ZNF705D: variants seen among roughly 807,000 people sequenced by gnomAD.
ZNF705D encodes zinc finger protein 705D, also known as putative zinc finger protein 705C.
For missense variants in ZNF705D, 6 were observed against 129.4 expected (o/e 0.05, Z 4.63); for synonymous variants, 1 against 43.8 (o/e 0.02, Z 3.86).
chr8:12,089,738 G>A, the ZNF705D span, among the ~76,000 whole-genome samples: 1 of 69,708 alleles, frequency 1.4e-5, no homozygotes, highest in South Asian at 1.2e-3. Context: ...CTCCTTGGGT[G>A]GGTCTTGCTT....
the ZNF705D span, among the ~76,000 whole-genome samples, chr8:12,089,892 C>G: frequency 2.1e-5 from 1 of 47,390 alleles, no homozygotes; most frequent in African/African-American, 3.3e-5. Context: ...AGGCGGGTCT[C>G]ACTCCCACAA....
chr8:12,091,799 G>T, the ZNF705D span, among the ~76,000 whole-genome samples: 3 of 26,782 alleles, frequency 1.1e-4, no homozygotes, highest in African/African-American at 2.3e-4. Flanking sequence ...TTTTTTTTTT[G>T]TTTTTTTTTT....
At chr8:12,109,163 C>T (rs1458885766) in intron 1 of ZNF705D, among the ~76,000 whole-genome samples, 6 of 96,456 alleles carry the variant, frequency 6.2e-5, no homozygotes, top group African/African-American at 1.7e-4. Context: ...CTCAGTATAG[C>T]AGCCTCAGCA....
the ZNF705D span, chr8:12,095,318 A>G: frequency 3.3e-6 from 2 of 610,302 alleles, no homozygotes; most frequent in Non-Finnish European, 4.4e-6. Context: ...ACGTTCACAG[A>G]TCTCCTTGAA....
the ZNF705D span, among the ~76,000 whole-genome samples, chr8:12,094,274 G>GCA: frequency 6.6e-3 from 588 of 89,682 alleles, 95 homozygotes; most frequent in East Asian, 0.048. Context: ...GCTGGGAACT[G>GCA]AAGGAATTCC....
upstream of ZNF705D, among the ~76,000 whole-genome samples, chr8:12,106,234 TTC>T (rs1460481609): frequency 8.4e-5 from 9 of 106,630 alleles, no homozygotes; most frequent in Non-Finnish European, 6.4e-5. Context: ...TTTGTCGGCA[TTC>T]TCTAATATCT....
At chr8:12,103,013 G>A (rs1802153986), upstream of ZNF705D, among the ~76,000 whole-genome samples, 1 of 91,406 alleles carries the variant, frequency 1.1e-5, no homozygotes, top group Non-Finnish European at 2.5e-5. Flanking sequence ...AGTATTCCAT[G>A]GTGTACATAT....
chr8:12,090,230 T>A, the ZNF705D span, among the ~76,000 whole-genome samples: 1 of 83,510 alleles, frequency 1.2e-5, no homozygotes, highest in African/African-American at 2.9e-5. Flanking sequence ...CCAGTGCCTT[T>A]GTGCTACTTC....
chr8:12,110,440 C>T (rs754877483), intron 2 of ZNF705D, among the ~76,000 whole-genome samples: 6 of 53,688 alleles, frequency 1.1e-4, no homozygotes, highest in Middle Eastern at 0.011. Context: ...TTTTGTAAAT[C>T]GAATGTTTTT....
At chr8:12,106,222 GC>G, upstream of ZNF705D, among the ~76,000 whole-genome samples, 1 of 102,898 alleles carries the variant, frequency 9.7e-6, no homozygotes, top group East Asian at 1.0e-3. Flanking sequence ...TTACACTGAA[GC>G]TTTGTCGGCA....
chr8:12,103,346 GA>G (rs1370124871), upstream of ZNF705D, among the ~76,000 whole-genome samples: 237 of 38,850 alleles, frequency 6.1e-3, 18 homozygotes, highest in East Asian at 0.026. Context: ...GCATACAGCA[GA>G]AAAAGAGACT....
At chr8:12,095,398 AT>A in the ZNF705D span, 3 of 81,696 alleles carry the variant, frequency 3.7e-5, no homozygotes, top group Non-Finnish European at 7.3e-5. Flanking sequence ...ATTGAATTAC[AT>A]GGACGTAGGG....
chr8:12,110,215 T>C (rs899072723), intron 2 of ZNF705D, among the ~76,000 whole-genome samples, 189 bp downstream of exon 4: 3 of 38,986 alleles, frequency 7.7e-5, no homozygotes, highest in Admixed American at 8.7e-4. Context: ...TTATTTTATT[T>C]AGTTTGTCAC....
upstream of ZNF705D, among the ~76,000 whole-genome samples, chr8:12,107,377 C>T (rs1368551005): frequency 1.4e-4 from 7 of 51,620 alleles, 1 homozygote; most frequent in African/African-American, 3.9e-4. Flanking sequence ...TCTCAGCTCA[C>T]TGTAATCTCT....
chr8:12,104,448 TA>T (rs1413305919), upstream of ZNF705D: 1 of 69,724 alleles, frequency 1.4e-5, no homozygotes, highest in African/African-American at 4.4e-5. Context: ...GTACTTAGAT[TA>T]TTTTTTTAAA....
the ZNF705D span, among the ~76,000 whole-genome samples, chr8:12,090,606 T>C: frequency 8.8e-4 from 9 of 10,238 alleles, no homozygotes; most frequent in African/African-American, 1.0e-3. Context: ...TGAGCTTTTT[T>C]TTTCATATGA....
the ZNF705D span, among the ~76,000 whole-genome samples, chr8:12,099,059 CAA>C: frequency 6.9e-5 from 1 of 14,554 alleles, no homozygotes; most frequent in African/African-American, 1.4e-4. Flanking sequence ...ATAATATTTT[CAA>C]AGAGACTTCT....
At chr8:12,095,793 C>CACACACACACACACAA in the ZNF705D span, among the ~76,000 whole-genome samples, 1 of 43,514 alleles carries the variant, frequency 2.3e-5, no homozygotes, top group South Asian at 9.4e-4. Flanking sequence ...CACACACACA[C>CACACACACACACACAA]ACTCTATATG....
chr8:12,095,157 C>A, the ZNF705D span: 6 of 810,120 alleles, frequency 7.4e-6, 2 homozygotes, highest in African/African-American at 1.4e-4. Context: ...AACCTAAAAC[C>A]ACCAGAAAAC....
Sources: allele counts gnomAD v4.1 joint callset (sites outside exome capture counted in the v4.1 genomes callset), GRCh38; gene constraint gnomAD v4.1.1; transcripts MANE v1.5; gene names NCBI Gene and HGNC (gene_info 2026-07-23, HGNC 2026-07-21).